Variants in CDH2 observed in about 807,000 individuals in gnomAD.
The protein encoded by CDH2 is cadherin 2, also known as cadherin-2.
CDH2 carries 17 observed loss-of-function variants against 92.0 expected under a neutral mutation model. That is an observed-to-expected ratio of 0.18 (90% CI 0.13 to 0.28). The LOEUF (loss-of-function observed/expected upper bound fraction) is 0.28. Ranked by LOEUF, CDH2 falls within the 10% of genes least tolerant of loss-of-function variation. The pLI, the probability that CDH2 is intolerant of heterozygous loss-of-function variation, is 1.00. For synonymous variants in CDH2, 419 were observed against 415.9 expected (o/e 1.01, Z -0.09); for missense variants, 862 against 1,133.1 (o/e 0.76, Z 3.44).
intron 14 of CDH2, among the ~76,000 whole-genome samples, chr18:27,974,222 A>G (rs1268964446): frequency 1.3e-5 from 2 of 152,162 alleles, no homozygotes; most frequent in South Asian, 2.1e-4. Flanking sequence ...GTATAATTCA[A>G]TCAGGGCCTG....
chr18:28,015,557 G>A (rs1384735036), intron 2 of CDH2, among the ~76,000 whole-genome samples: 2 of 152,036 alleles, frequency 1.3e-5, no homozygotes, highest in South Asian at 2.1e-4. Flanking sequence ...AAATCAAAAC[G>A]AGACTTTTGC....
At chr18:27,949,386 C>T (rs374408007), downstream of CDH2, among the ~76,000 whole-genome samples, 1 of 151,832 alleles carries the variant, frequency 6.6e-6, no homozygotes, top group Non-Finnish European at 1.5e-5. Flanking sequence ...TATTCCCATG[C>T]AAAGAGACAT....
chr18:28,038,452 TG>T (rs2013882744), intron 2 of CDH2, among the ~76,000 whole-genome samples: 1 of 151,536 alleles, frequency 6.6e-6, no homozygotes, highest in African/African-American at 2.4e-5. Flanking sequence ...TGTGTGTGTG[TG>T]TGTGTGTGTC....
At chr18:27,998,007 C>T (rs565938522) in intron 7 of CDH2, among the ~76,000 whole-genome samples, 94 of 152,122 alleles carry the variant, frequency 6.2e-4, no homozygotes, top group South Asian at 2.5e-3. Context: ...GGGGTTTCAC[C>T]GTGTTAGCCA....
At chr18:28,101,517 T>C (rs984758369) in intron 2 of CDH2, among the ~76,000 whole-genome samples, 1 of 152,182 alleles carries the variant, frequency 6.6e-6, no homozygotes, top group African/African-American at 2.4e-5. Flanking sequence ...ACCTGGGGAC[T>C]TGACTGTAAC....
chr18:28,107,787 T>TA (rs1244068947), intron 2 of CDH2, among the ~76,000 whole-genome samples: 3 of 151,060 alleles, frequency 2.0e-5, no homozygotes, highest in Non-Finnish European at 3.0e-5. Flanking sequence ...ATTAGCCATT[T>TA]AAAAAAAAAG....
intron 2 of CDH2, among the ~76,000 whole-genome samples, chr18:28,098,026 T>C (rs2015165574): frequency 6.6e-6 from 1 of 152,148 alleles, no homozygotes; most frequent in African/African-American, 2.4e-5. Flanking sequence ...TTGCAGAAAA[T>C]TTATCCTAAG....
At chr18:28,024,897 A>G (rs1331807306) in intron 2 of CDH2, among the ~76,000 whole-genome samples, 3 of 152,114 alleles carry the variant, frequency 2.0e-5, no homozygotes, top group Non-Finnish European at 4.4e-5. Context: ...AAAAAGAAAA[A>G]GGGAGGGAAG....
chr18:27,944,474 G>C lies in CDH2; in HGVS notation c.1152-11350C>G, dbSNP rs575168038. Among the ~76,000 whole-genome samples, 8 of 152,214 alleles carry C rather than the reference G, an allele frequency of 5.3e-5. No individual in the cohort carries two copies. In the South Asian group the frequency reaches 1.7e-3, roughly 32 times the overall value. On this transcript the variant is annotated intron_variant, in intron 6 of 6. Transcript: ENST00000675173. ...TCCAAAGTTTAAAACCTGATTAAAT[G>C]AATCTAATATATCAAATATATGTTG...
intron 2 of CDH2, among the ~76,000 whole-genome samples, chr18:28,115,484 G>C (rs1031536984): frequency 6.6e-6 from 1 of 152,134 alleles, no homozygotes; most frequent in African/African-American, 2.4e-5. Flanking sequence ...ACATGGGCCA[G>C]GGCAACTGTC....
At chr18:28,019,163 G>A (rs2013337873) in intron 2 of CDH2, among the ~76,000 whole-genome samples, 1 of 151,856 alleles carries the variant, frequency 6.6e-6, no homozygotes, top group African/African-American at 2.4e-5. Context: ...AGCAGGGTGA[G>A]GAATGAAAGA....
chr18:27,951,086 T>G lies in CDH2; in HGVS notation c.*1067A>C, dbSNP rs74171381. The G allele has an allele frequency of 2.0e-5, 3 of 152,086 alleles. No homozygotes were observed. In the Admixed American group the frequency reaches 2.0e-4, roughly 10 times the overall value. The allele number at this position is 152,086 out of a possible 1,614,324, so 9.4% of individuals were successfully genotyped here. On this transcript the variant is annotated 3_prime_UTR_variant, in exon 16 of 16. Transcript: ENST00000269141. Reference sequence around the variant, plus strand: ...AGTCTCTCCAGTTTAAAAGCTTTTTTTTTTCCATTTTTTTTTTAAAAAAAC... The same window carrying G: ...AGTCTCTCCAGTTTAAAAGCTTTTTGTTTTCCATTTTTTTTTTAAAAAAAC...
At chr18:28,130,814 G>C (rs1027823426) in intron 2 of CDH2, among the ~76,000 whole-genome samples, 3 of 152,138 alleles carry the variant, frequency 2.0e-5, no homozygotes, top group African/African-American at 7.2e-5. Context: ...CTTTCAAAGT[G>C]GTCTAGAGTA....
chr18:28,165,483 C>T (rs1223459358), intron 1 of CDH2, among the ~76,000 whole-genome samples: 1 of 152,206 alleles, frequency 6.6e-6, no homozygotes, highest in African/African-American at 2.4e-5. Context: ...TGAGCCATCA[C>T]ACTCAGCCTG....
chr18:28,175,520 C>A, intron 1 of CDH2, among the ~76,000 whole-genome samples: 1 of 151,896 alleles, frequency 6.6e-6, no homozygotes, highest in Non-Finnish European at 1.5e-5. Context: ...ATGGACAGGG[C>A]TCCGCGCGGC....
intron 14 of CDH2, among the ~76,000 whole-genome samples, chr18:27,979,142 TAAGGACCTCCTAC>T (rs2011953374): frequency 6.6e-6 from 1 of 152,148 alleles, no homozygotes; most frequent in Non-Finnish European, 1.5e-5. Flanking sequence ...CTATAATCTA[TAAGGACCTCCTAC>T]AAGTCAGTAA....
intron 2 of CDH2, 23 bp from the exon 3 acceptor site, chr18:28,013,932 C>A: frequency 6.4e-7 from 1 of 1,564,912 alleles, no homozygotes; most frequent in Non-Finnish European, 8.7e-7. Flanking sequence ...AGAAATAGGT[C>A]AGTTATTATA....
At chr18:27,986,382 C>A (rs1287332050) in intron 11 of CDH2, among the ~76,000 whole-genome samples, 1 of 152,114 alleles carries the variant, frequency 6.6e-6, no homozygotes, top group Non-Finnish European at 1.5e-5. Context: ...CAGGTTTACA[C>A]AGATGAACCT....
At chr18:28,158,691 A>G (rs764724263) in intron 1 of CDH2, among the ~76,000 whole-genome samples, 22 of 152,196 alleles carry the variant, frequency 1.4e-4, no homozygotes, top group Non-Finnish European at 2.5e-4. Flanking sequence ...CACTTCCATA[A>G]TATTACAACA....
Sources: allele counts gnomAD v4.1 joint callset (sites outside exome capture counted in the v4.1 genomes callset), GRCh38; gene constraint gnomAD v4.1.1; transcripts MANE v1.5; gene names NCBI Gene and HGNC (gene_info 2026-07-23, HGNC 2026-07-21).